The following ANK2 variants were observed in gnomAD, a reference collection of about 807,000 sequenced individuals.
The protein encoded by ANK2 is ankyrin-2.
ANK2 carries 83 observed loss-of-function variants against 360.5 expected under a neutral mutation model. The observed-to-expected ratio is 0.23, with a 90% CI of 0.19 to 0.28. ANK2 has a LOEUF of 0.28. Among genes scored for constraint, ANK2 ranks in the 10% least tolerant of loss-of-function variants. The pLI is 1.00. For synonymous variants in ANK2, 1,740 were observed against 1,759.5 expected (o/e 0.99, Z 0.28); for missense variants, 4,201 against 4,795.7 (o/e 0.88, Z 3.66).
At position 113,360,955 on chromosome 4, in the gene ANK2, T is replaced by C. The variant is rs2096179105; in HGVS notation, c.10756+58T>C. On this transcript the variant is annotated intron_variant, in intron 39 of 45. Coordinates refer to ENST00000357077, the MANE Select transcript of ANK2 (RefSeq NM_001148.6). Reference sequence around the variant, plus strand: ...ACCTGACATAGATGCATCAGTCAGGTGTCATTCACAGCATAAAAGGTACCC... The same window carrying C: ...ACCTGACATAGATGCATCAGTCAGGCGTCATTCACAGCATAAAAGGTACCC... 20 of 1,456,946 alleles carry C rather than the reference T, an allele frequency of 1.4e-5. No homozygotes were observed. In the South Asian group the frequency reaches 2.0e-4, roughly 15 times the overall value. The allele number at this position is 1,456,946 out of a possible 1,614,324, so 90.3% of individuals were successfully genotyped here.
chr4:113,287,528 AT>A, intron 18 of ANK2, 76 bp from the exon 19 acceptor site: 2 of 1,139,912 alleles, frequency 1.8e-6, no homozygotes, highest in Admixed American at 1.8e-5. Flanking sequence ...TATTTTCAAT[AT>A]TTTTTCATAA....
chr4:113,236,158 G>A (rs1029656264), intron 5 of ANK2, among the ~76,000 whole-genome samples: 2 of 150,852 alleles, frequency 1.3e-5, no homozygotes, highest in African/African-American at 2.4e-5. Context: ...TTTCTTTCAC[G>A]TAAGTAGAGC....
intron 18 of ANK2, among the ~76,000 whole-genome samples, chr4:113,286,656 C>T (rs757198412): frequency 2.8e-4 from 43 of 152,096 alleles, no homozygotes; most frequent in Admixed American, 1.1e-3. Flanking sequence ...TGACTCAGAG[C>T]CCAGGTAGCC....
chr4:112,736,838 G>A, the ANK2 span, among the ~76,000 whole-genome samples: 1 of 152,226 alleles, frequency 6.6e-6, no homozygotes, highest in Non-Finnish European at 1.5e-5. Context: ...AGTCTTGGAG[G>A]AGCTCAGCTG....
chr4:113,181,436 T>C (rs1221193576), intron 2 of ANK2, among the ~76,000 whole-genome samples: 2 of 152,196 alleles, frequency 1.3e-5, no homozygotes, highest in Admixed American at 1.3e-4. Flanking sequence ...TATTTGTTCA[T>C]CTACTTACTC....
intron 2 of ANK2, among the ~76,000 whole-genome samples, chr4:112,990,320 T>C (rs775062093): frequency 1.8e-4 from 27 of 152,062 alleles, no homozygotes; most frequent in Non-Finnish European, 2.6e-4. Context: ...AAACAATAAC[T>C]TGGAGTCCGT....
chr4:112,803,722 AAGGC>A, the ANK2 span, among the ~76,000 whole-genome samples: 1 of 152,184 alleles, frequency 6.6e-6, no homozygotes, highest in Non-Finnish European at 1.5e-5. Context: ...CAAATTCAAC[AAGGC>A]AGGCCTCTTG....
intron 1 of ANK2, among the ~76,000 whole-genome samples, chr4:113,103,535 C>T (rs976836149): frequency 2.6e-5 from 4 of 152,152 alleles, no homozygotes; most frequent in Non-Finnish European, 4.4e-5. Context: ...TCAAAAGACA[C>T]TCCAGTATAT....
In ANK2 at chr4:113,044,561, T is replaced by A. The variant is rs75071141; in HGVS notation, c.22-129855T>A. Among the ~76,000 whole-genome samples the A allele has an allele frequency of 3.6e-3, 541 of 152,296 alleles. 29 individuals carry two copies. In the East Asian group the frequency reaches 0.096, roughly 27 times the overall value. ...TAACAGAACTGTATTCTCTCACAGT[T>A]ATGAAGACTAGAAGTGCAAAACCAC... is the stretch of plus-strand genomic sequence containing the variant. On this transcript the variant is annotated intron_variant, in intron 2 of 30. Coordinates refer to the ANK2 transcript ENST00000503271.
intron 5 of ANK2, among the ~76,000 whole-genome samples, chr4:113,235,984 C>T (rs1011091811): frequency 1.0e-4 from 13 of 130,200 alleles, no homozygotes; most frequent in East Asian, 4.7e-4. Flanking sequence ...ATGATCTGCC[C>T]GCCTCGGCCT....
intron 4 of ANK2, among the ~76,000 whole-genome samples, chr4:113,220,981 C>G (rs900240406): frequency 6.6e-6 from 1 of 152,152 alleles, no homozygotes; most frequent in Non-Finnish European, 1.5e-5. Context: ...CACACAAAGT[C>G]AAGGTGAACA....
At chr4:113,002,856 G>A (rs552488286) in intron 2 of ANK2, among the ~76,000 whole-genome samples, 1 of 152,248 alleles carries the variant, frequency 6.6e-6, no homozygotes, top group South Asian at 2.1e-4. Context: ...TTTCCTCTGG[G>A]AAACTATTTG....
chr4:113,123,285 AAAT>A (rs2095479299), intron 1 of ANK2, among the ~76,000 whole-genome samples: 2 of 152,130 alleles, frequency 1.3e-5, no homozygotes, highest in Non-Finnish European at 2.9e-5. Flanking sequence ...AATTGATTAA[AAAT>A]AATGATATTT....
intron 24 of ANK2, among the ~76,000 whole-genome samples, chr4:113,315,677 T>C (rs1008621072): frequency 6.6e-6 from 1 of 152,114 alleles, no homozygotes; most frequent in Non-Finnish European, 1.5e-5. Flanking sequence ...GGTGGGCGGA[T>C]CACGAGGTCA....
intron 2 of ANK2, among the ~76,000 whole-genome samples, chr4:112,930,329 T>C (rs1361355045): frequency 6.6e-6 from 1 of 151,568 alleles, no homozygotes; most frequent in Non-Finnish European, 1.5e-5. Flanking sequence ...ACACCTGTAG[T>C]CCCAGCTACT....
intron 26 of ANK2, among the ~76,000 whole-genome samples, chr4:113,319,236 T>C (rs1374449803): frequency 1.3e-5 from 2 of 152,082 alleles, no homozygotes; most frequent in Non-Finnish European, 1.5e-5. Flanking sequence ...CATTAAAAAA[T>C]AGGAGTTTGA....
At chr4:113,085,675 A>C (rs150349327) in intron 1 of ANK2, among the ~76,000 whole-genome samples, 1,569 of 152,270 alleles carry the variant, frequency 0.01, 9 homozygotes, top group Admixed American at 0.017. Flanking sequence ...TATATCTAAG[A>C]GATAACTTTG....
At chr4:113,181,159 C>T (rs945652763) in intron 2 of ANK2, among the ~76,000 whole-genome samples, 11 of 152,258 alleles carry the variant, frequency 7.2e-5, no homozygotes, top group African/African-American at 1.4e-4. Flanking sequence ...ATGAAGATTT[C>T]GAAATGTGAC....
rs773866300 is a variant in ANK2 at position 113,242,098 on chromosome 4, T to G, written c.793-13T>G. ...ATACCCAACAGCTCTTGTTTGGTCT[T>G]TCTGTGGTGTAGAATGGAATCACTC... On this transcript the variant is annotated splice_polypyrimidine_tract_variant and intron_variant, in intron 8 of 45. Transcript: ENST00000357077. The G allele has an allele frequency of 4.4e-6, 7 of 1,608,302 alleles. No individual in the cohort carries two copies. Among genetic ancestry groups the G allele is most frequent in the Non-Finnish European group, 6.0e-6 (7 of 1,174,934 alleles).
Sources: gnomAD v4.1 joint callset for allele counts (sites outside exome capture counted in the v4.1 genomes callset) on GRCh38, gnomAD v4.1.1 for gene constraint, MANE v1.5 for transcripts, NCBI Gene and HGNC (gene_info 2026-07-23, HGNC 2026-07-21) for gene names.